AGBL2: variants seen among roughly 807,000 people sequenced by gnomAD.
AGBL2 encodes the protein AGBL carboxypeptidase 2.
Under a neutral mutation model 103.0 loss-of-function variants are expected in AGBL2, and 87 were observed. The ratio of observed to expected loss-of-function variants is 0.84; its 90% CI spans 0.71 to 1.01. The LOEUF (loss-of-function observed/expected upper bound fraction) is 1.01, where lower values mean the gene tolerates loss of function less well. Ranked by LOEUF, AGBL2 falls within the 50% of genes least tolerant of loss-of-function variation. AGBL2 has a pLI of 0.00. For missense variants in AGBL2, 904 were observed against 1,023.5 expected (o/e 0.88, Z 1.59); for synonymous variants, 335 against 356.7 (o/e 0.94, Z 0.69).
chr11:47,714,833 C>T, intron 1 of AGBL2, 83 bp from the exon 2 acceptor site: 1 of 626,412 alleles, frequency 1.6e-6, no homozygotes, highest in Admixed American at 2.7e-5. Context: ...TTCAGAAAAC[C>T]CTGCCAACCC....
At chr11:47,704,749 A>C (rs1014129629) in intron 6 of AGBL2, 21 bp from the exon 7 acceptor site, 3 of 1,602,602 alleles carry the variant, frequency 1.9e-6, no homozygotes, top group Non-Finnish European at 2.6e-6. Flanking sequence ...GAAAGAGAGT[A>C]AGTGAACATC....
chr11:47,692,270 A>T lies in AGBL2; in HGVS notation c.695-14T>A. 6.2e-7 allele frequency: 1 copy of T among 1,612,696 alleles called. No individual in the cohort carries two copies. Among genetic ancestry groups the T allele is most frequent in the Non-Finnish European group, 8.5e-7 (1 of 1,178,964 alleles). Reference sequence around the variant, plus strand: ...CTTCTATAGGCACTGCAGAGAAAAGATATATTTAGGCTAGGTTCTACTCAG... The same window carrying T: ...CTTCTATAGGCACTGCAGAGAAAAGTTATATTTAGGCTAGGTTCTACTCAG... On this transcript the variant is annotated splice_polypyrimidine_tract_variant and intron_variant, in intron 8 of 18. Transcript: ENST00000525123.
At chr11:47,708,195 G>A (rs563055795) in intron 4 of AGBL2, among the ~76,000 whole-genome samples, 38 of 152,046 alleles carry the variant, frequency 2.5e-4, no homozygotes, top group African/African-American at 6.7e-4. Flanking sequence ...AGCCTCCTGA[G>A]TAGCTGGGAT....
chr11:47,714,124 A>G (rs998744611), intron 3 of AGBL2, 160 bp downstream of exon 3: 1 of 614,780 alleles, frequency 1.6e-6, no homozygotes, highest in South Asian at 1.9e-5. Context: ...CCGCAGATCA[A>G]TGGGGAAAGG....
chr11:47,692,286 T>C (rs570019940), intron 8 of AGBL2, 30 bp from the exon 9 acceptor site: 1 of 1,606,844 alleles, frequency 6.2e-7, no homozygotes. Context: ...TTAGGCTAGG[T>C]TCTACTCAGA....
At position 47,697,268 on chromosome 11, in the gene AGBL2, C is replaced by T. The variant is rs553416576; in HGVS notation, c.694+2178G>A. ...ATGATGATTTTTTGAGATGGAGTCT[C>T]GGTCTGTCGCCCAGGCTGGAGTGCA... On this transcript the variant is annotated intron_variant, in intron 8 of 18. Coordinates refer to ENST00000525123, the MANE Select transcript of AGBL2 (RefSeq NM_024783.4). Among the ~76,000 whole-genome samples the T allele has an allele frequency of 1.6e-3, 243 of 151,610 alleles. 1 individual carries two copies. Among genetic ancestry groups the T allele is most frequent in the Non-Finnish European group, 2.4e-3 (160 of 67,868 alleles).
At chr11:47,668,352 C>G (rs1178131094) in intron 15 of AGBL2, among the ~76,000 whole-genome samples, 2 of 151,806 alleles carry the variant, frequency 1.3e-5, no homozygotes, top group Non-Finnish European at 2.9e-5. Flanking sequence ...CAAAAATTAG[C>G]CGGGCGTGGT....
intron 14 of AGBL2, among the ~76,000 whole-genome samples, chr11:47,675,757 G>A (rs1009957555): frequency 6.6e-6 from 1 of 152,084 alleles, no homozygotes; most frequent in Non-Finnish European, 1.5e-5. Context: ...TGTAATCGCA[G>A]CACTTTGGGA....
chr11:47,663,669 G>C (rs963533908), intron 17 of AGBL2, among the ~76,000 whole-genome samples: 1 of 151,212 alleles, frequency 6.6e-6, no homozygotes, highest in South Asian at 2.1e-4. Flanking sequence ...CGATTCTCCT[G>C]CCTCAGCCTC....
intron 3 of AGBL2, among the ~76,000 whole-genome samples, chr11:47,713,683 G>A (rs573464111): frequency 1.8e-4 from 27 of 151,374 alleles, no homozygotes; most frequent in African/African-American, 5.3e-4. Flanking sequence ...CCGCCTCCCA[G>A]GTTCACGCCA....
chr11:47,704,352 C>T (rs1391288522), intron 7 of AGBL2, among the ~76,000 whole-genome samples, 191 bp downstream of exon 7: 2 of 150,870 alleles, frequency 1.3e-5, no homozygotes, highest in African/African-American at 2.4e-5. Context: ...TGGTGGTGTG[C>T]GCCTGTAATC....
In AGBL2 at chr11:47,705,579, A is replaced by G; in HGVS notation, c.342T>C (p.Pro114=). The G allele has an allele frequency of 2.1e-6, 1 of 465,524 alleles. No individual in the cohort carries two copies. Among genetic ancestry groups the G allele is most frequent in the South Asian group, 2.1e-5 (1 of 47,958 alleles). The allele number at this position is 465,524 out of a possible 1,614,324, so 28.8% of individuals were successfully genotyped here. ...MQWRGLSSLQ[P]PPPRFKDSPA... is the part of the protein sequence containing the mutation. Reference sequence around the variant, plus strand: ...GAGAATCCTTGAATCTGGGAGGTGGAGGTTGCAGTGAGCTGAGGCCGCGCC... The same window carrying G: ...GAGAATCCTTGAATCTGGGAGGTGGGGGTTGCAGTGAGCTGAGGCCGCGCC... The change falls in exon 6 of 19, where the codon CCT becomes CCC. Residue 114 remains proline (P), a synonymous_variant. Coordinates refer to ENST00000525123, the MANE Select transcript of AGBL2 (RefSeq NM_024783.4).
At chr11:47,681,737 C>G (rs550620603) in intron 12 of AGBL2, among the ~76,000 whole-genome samples, 2 of 152,294 alleles carry the variant, frequency 1.3e-5, no homozygotes, top group African/African-American at 4.8e-5. Flanking sequence ...GGATTACAGG[C>G]GTGAGCCACT....
At chr11:47,667,721 G>A (rs1356167250) in intron 15 of AGBL2, 25 bp from the exon 16 acceptor site, 1 of 1,603,528 alleles carries the variant, frequency 6.2e-7, no homozygotes, top group Non-Finnish European at 8.5e-7. Context: ...AGAGAAACTG[G>A]TCATTGAAGA....
chr11:47,679,707 T>C (rs1377660713), intron 13 of AGBL2, among the ~76,000 whole-genome samples: 1 of 151,576 alleles, frequency 6.6e-6, no homozygotes, highest in Non-Finnish European at 1.5e-5. Flanking sequence ...AGTGGTGTGA[T>C]CTCGACTCAG....
chr11:47,703,946 A>C (rs1208402514), intron 7 of AGBL2, among the ~76,000 whole-genome samples: 2 of 150,544 alleles, frequency 1.3e-5, no homozygotes, highest in Non-Finnish European at 3.0e-5. Flanking sequence ...AAAAACAAAA[A>C]AAAAACTAGC....
chr11:47,690,243 G>A lies in AGBL2; in HGVS notation c.1464C>T (p.Leu488=). The part of the protein sequence containing the change: ...FILSNSPDAQ[L]LRDIFVFKVL... Reference sequence around the variant, plus strand: ...CCTTGAAGACAAAAATATCTCTGAGGAGCTGGGCATCTGGGGAGTTGCTAA... The same window carrying A: ...CCTTGAAGACAAAAATATCTCTGAGAAGCTGGGCATCTGGGGAGTTGCTAA... The change falls in exon 10 of 19, where the codon CTC becomes CTT. Residue 488 remains leucine, a synonymous_variant. Transcript: ENST00000525123. The A allele has an allele frequency of 6.2e-7, 1 of 1,614,068 alleles. No individual in the cohort carries two copies. Among genetic ancestry groups the A allele is most frequent in the Non-Finnish European group, 8.5e-7 (1 of 1,180,012 alleles).
chr11:47,676,734 G>A (rs2097376221), intron 14 of AGBL2, among the ~76,000 whole-genome samples: 1 of 151,010 alleles, frequency 6.6e-6, no homozygotes, highest in Admixed American at 6.6e-5. Flanking sequence ...CCGGAGAATG[G>A]CCTGAACCCG....
intron 10 of AGBL2, among the ~76,000 whole-genome samples, chr11:47,686,887 AG>A (rs1420173404): frequency 1.4e-5 from 2 of 143,642 alleles, no homozygotes; most frequent in African/African-American, 5.1e-5. Flanking sequence ...TGAACACAGG[AG>A]GTGGAGGTTG....
Sources: allele counts gnomAD v4.1 joint callset (sites outside exome capture counted in the v4.1 genomes callset), GRCh38; gene constraint gnomAD v4.1.1; transcripts MANE v1.5; gene names NCBI Gene and HGNC (gene_info 2026-07-23, HGNC 2026-07-21).